The following NEK7 variants were observed in gnomAD, a reference collection of about 807,000 sequenced individuals.
NEK7 encodes serine/threonine-protein kinase Nek7.
NEK7 carries 18 observed loss-of-function variants against 44.6 expected under a neutral mutation model. The ratio of observed to expected loss-of-function variants is 0.40; its 90% CI spans 0.28 to 0.60. The LOEUF (loss-of-function observed/expected upper bound fraction) is 0.60, where lower values mean the gene tolerates loss of function less well. Ranked by LOEUF, NEK7 falls within the 20% of genes least tolerant of loss-of-function variation. The pLI, the probability that NEK7 is intolerant of heterozygous loss-of-function variation, is 0.38. For missense variants in NEK7, 256 were observed against 366.5 expected (o/e 0.70, Z 2.46); for synonymous variants, 130 against 121.1 (o/e 1.07, Z -0.48).
chr1:198,235,449 A>G (rs371556425), intron 2 of NEK7, among the ~76,000 whole-genome samples: 23 of 151,598 alleles, frequency 1.5e-4, no homozygotes, highest in African/African-American at 5.6e-4. Context: ...GGATATTTTG[A>G]CTAGATTCTT....
chr1:198,267,988 C>CTT (rs1653708571), intron 5 of NEK7, among the ~76,000 whole-genome samples: 1 of 151,954 alleles, frequency 6.6e-6, no homozygotes, highest in Non-Finnish European at 1.5e-5. Context: ...TTTGGCTCTG[C>CTT]TTTTCATTCT....
intron 1 of NEK7, among the ~76,000 whole-genome samples, chr1:198,178,686 TTTGTTGTTG>T (rs71133918): frequency 2.6e-4 from 39 of 151,766 alleles, no homozygotes; most frequent in East Asian, 1.2e-3. Context: ...CCTGCCATTT[TTTGTTGTTG>T]TTGTTGTTGT....
intron 1 of NEK7, among the ~76,000 whole-genome samples, chr1:198,225,468 C>A (rs1295442422): frequency 6.6e-6 from 1 of 152,126 alleles, no homozygotes; most frequent in Non-Finnish European, 1.5e-5. Context: ...AGCCTGTTAA[C>A]TGGCTTTCTT....
Position 198,267,664 on chromosome 1 carries a change from G to A in NEK7, c.372+3429G>A, listed in dbSNP as rs553070193. Among the ~76,000 whole-genome samples, 8 of 151,946 alleles carry A rather than the reference G, an allele frequency of 5.3e-5. No individual in the cohort carries two copies. In the East Asian group the frequency reaches 9.8e-4, roughly 19 times the overall value. ...TCCCCATATTGATCAGGGTGATCTC[G>A]AACTTTGACCTCAGGTGATCCACCT... On this transcript the variant is annotated intron_variant, in intron 5 of 9. Transcript: ENST00000367385.
At chr1:198,275,853 A>G (rs77290932) in intron 5 of NEK7, among the ~76,000 whole-genome samples, 1,538 of 151,666 alleles carry the variant, frequency 0.01, 10 homozygotes, top group Admixed American at 0.017. Context: ...AAAAAAAAAC[A>G]AACCCCCAAA....
At chr1:198,250,123 T>G (rs1652880375) in intron 2 of NEK7, among the ~76,000 whole-genome samples, 1 of 150,450 alleles carries the variant, frequency 6.6e-6, no homozygotes, top group Non-Finnish European at 1.5e-5. Flanking sequence ...CCAGCACCGT[T>G]TATTAAATAG....
intron 1 of NEK7, among the ~76,000 whole-genome samples, chr1:198,214,019 C>T (rs576722372): frequency 8.5e-4 from 130 of 152,102 alleles, no homozygotes; most frequent in African/African-American, 2.9e-3. Flanking sequence ...GCTCATATAC[C>T]CGGCACATTG....
chr1:198,252,391 C>A (rs183623404), intron 2 of NEK7, among the ~76,000 whole-genome samples: 73 of 151,556 alleles, frequency 4.8e-4, no homozygotes, highest in Admixed American at 2.0e-4. Flanking sequence ...TCTATTAGGT[C>A]TGCTTGGTGC....
chr1:198,316,318 T>C (rs1655366746), intron 9 of NEK7, among the ~76,000 whole-genome samples: 2 of 152,080 alleles, frequency 1.3e-5, no homozygotes, highest in Non-Finnish European at 2.9e-5. Flanking sequence ...ACTAAATTGG[T>C]ATGAAGGTGA....
intron 9 of NEK7, among the ~76,000 whole-genome samples, chr1:198,302,700 A>C (rs1654924955): frequency 6.6e-6 from 1 of 152,170 alleles, no homozygotes; most frequent in South Asian, 2.1e-4. Context: ...ATAAAATTAC[A>C]ATACTGAATT....
chr1:198,249,511 T>A (rs565783725), intron 2 of NEK7, among the ~76,000 whole-genome samples: 51 of 152,188 alleles, frequency 3.4e-4, no homozygotes, highest in African/African-American at 1.2e-3. Flanking sequence ...CCACCAACAG[T>A]GTAAAAGTGT....
chr1:198,306,143 A>G (rs1260330203), intron 9 of NEK7, among the ~76,000 whole-genome samples: 2 of 152,150 alleles, frequency 1.3e-5, no homozygotes, highest in Non-Finnish European at 2.9e-5. Flanking sequence ...AGATTGAATA[A>G]ATTAAATCAT....
chr1:198,295,513 A>G (rs1431221212), intron 8 of NEK7, among the ~76,000 whole-genome samples: 1 of 152,166 alleles, frequency 6.6e-6, no homozygotes, highest in African/African-American at 2.4e-5. Flanking sequence ...CCAGATGAAT[A>G]GTGCAAAAGC....
chr1:198,314,768 C>T (rs986961588), intron 9 of NEK7, among the ~76,000 whole-genome samples: 1 of 152,318 alleles, frequency 6.6e-6, no homozygotes, highest in Admixed American at 6.5e-5. Context: ...CAGAGACCCA[C>T]TTGAGGAGGC....
At chr1:198,169,104 GCT>G (rs1664354278) in intron 1 of NEK7, among the ~76,000 whole-genome samples, 1 of 152,154 alleles carries the variant, frequency 6.6e-6, no homozygotes, top group South Asian at 2.1e-4. Context: ...ATATGGCTTA[GCT>G]CTATGTGTTA....
intron 1 of NEK7, among the ~76,000 whole-genome samples, chr1:198,186,078 A>T (rs1664916128): frequency 6.6e-6 from 1 of 152,234 alleles, no homozygotes; most frequent in South Asian, 2.1e-4. Context: ...ATGTTAGCAG[A>T]TCACCTTTCT....
chr1:198,258,178 C>T (rs1438688819), intron 3 of NEK7, among the ~76,000 whole-genome samples: 2 of 152,170 alleles, frequency 1.3e-5, no homozygotes, highest in African/African-American at 2.4e-5. Flanking sequence ...GGTGACTCAA[C>T]GCCTGTAATC....
At chr1:198,256,320 T>G (rs758511481) in intron 3 of NEK7, 33 of 1,599,014 alleles carry the variant, frequency 2.1e-5, no homozygotes, top group Non-Finnish European at 2.7e-5. Context: ...CTGGCCATTT[T>G]CCTGCAGGTT....
chr1:198,319,692 C>A lies in NEK7; in HGVS notation c.*170C>A. The A allele has an allele frequency of 1.7e-6, 1 of 603,074 alleles. No homozygotes were observed. Among genetic ancestry groups the A allele is most frequent in the Non-Finnish European group, 2.5e-6 (1 of 399,314 alleles). The allele number at this position is 603,074 out of a possible 1,614,324, so 37.4% of individuals were successfully genotyped here. ...TTTGTACCAGTCACCTAAATCACCT[C>A]CTTGCAACCCCCAAATGACTTTGGA... On this transcript the variant is annotated 3_prime_UTR_variant, in exon 10 of 10. Transcript: ENST00000367385.
Sources: gnomAD v4.1 joint callset for allele counts (sites outside exome capture counted in the v4.1 genomes callset) on GRCh38, gnomAD v4.1.1 for gene constraint, MANE v1.5 for transcripts, NCBI Gene and HGNC (gene_info 2026-07-23, HGNC 2026-07-21) for gene names.